Variants in POLR1D observed in about 807,000 individuals in gnomAD.
POLR1D encodes the protein RNA polymerase I and III subunit D, also known as DNA-directed RNA polymerases I and III subunit RPAC2.
POLR1D carries 8 observed loss-of-function variants against 10.8 expected under a neutral mutation model. The observed-to-expected ratio is 0.74, with a 90% CI of 0.43 to 1.33. The LOEUF is 1.33. Ranked by LOEUF, POLR1D falls within the 40% of genes most tolerant of loss-of-function variation. The pLI is 0.01. For missense variants in POLR1D, 152 were observed against 161.7 expected (o/e 0.94, Z 0.32); for synonymous variants, 54 against 57.2 (o/e 0.94, Z 0.25).
At chr13:27,636,721 G>A (rs1956127474) in intron 1 of POLR1D, among the ~76,000 whole-genome samples, 1 of 152,106 alleles carries the variant, frequency 6.6e-6, no homozygotes, top group South Asian at 2.1e-4. Flanking sequence ...TATGCTGTTT[G>A]GATAATCAGC....
chr13:27,623,489 C>T (rs1302400895), downstream of POLR1D: 1 of 768,744 alleles, frequency 1.3e-6, no homozygotes, highest in Non-Finnish European at 1.8e-6. Context: ...CCAAATGGTC[C>T]TTGAGGATGA....
chr13:27,622,139 G>T (rs556964648), intron 1 of POLR1D, 130 bp downstream of exon 1: 2 of 768,814 alleles, frequency 2.6e-6, no homozygotes, highest in Admixed American at 4.2e-5. Flanking sequence ...AGAGAGAAGT[G>T]GGGAGGAGAC....
Position 27,647,362 on chromosome 13 carries a change from A to C in POLR1D, c.27-1017A>C, listed in dbSNP as rs538854797. 1.2e-3 allele frequency among the ~76,000 whole-genome samples: 177 copies of C among 152,128 alleles called. 1 individual carries two copies. The highest frequency in any genetic ancestry group is 1.8e-3 in the Admixed American group (28 of 15,280). The stretch of plus-strand genomic sequence containing the variant: ...TAAAACTCATCTTACTGTTTTGATA[A>C]CATCCCTCCAAATTTTTTTATTATT... On this transcript the variant is annotated intron_variant, in intron 1 of 2. Coordinates refer to the POLR1D transcript ENST00000399697.
chr13:27,641,361 A>T (rs577430339), intron 1 of POLR1D, among the ~76,000 whole-genome samples: 1 of 152,354 alleles, frequency 6.6e-6, no homozygotes, highest in Non-Finnish European at 1.5e-5. Flanking sequence ...TTTGCAAGGA[A>T]TGAAATCACT....
chr13:27,633,872 C>A (rs1158499996), intron 1 of POLR1D, among the ~76,000 whole-genome samples: 1 of 152,126 alleles, frequency 6.6e-6, no homozygotes, highest in Non-Finnish European at 1.5e-5. Flanking sequence ...GTTTGTGTTG[C>A]TGTTGTTGTT....
At chr13:27,641,461 C>A (rs113107720) in intron 1 of POLR1D, among the ~76,000 whole-genome samples, 1 of 149,878 alleles carries the variant, frequency 6.7e-6, no homozygotes, top group African/African-American at 2.4e-5. Context: ...GGAATATATA[C>A]GAAATATTTC....
downstream of POLR1D, among the ~76,000 whole-genome samples, chr13:27,628,032 T>G (rs1390280668): frequency 2.6e-5 from 4 of 152,192 alleles, no homozygotes; most frequent in African/African-American, 9.7e-5. Context: ...CAAAAACCAG[T>G]AAGGCAGGAT....
chr13:27,649,135 T>G (rs1466227881), intron 2 of POLR1D, among the ~76,000 whole-genome samples: 2 of 152,216 alleles, frequency 1.3e-5, no homozygotes, highest in Non-Finnish European at 2.9e-5. Context: ...ATTTGTTGAT[T>G]CTGGAATTTA....
At chr13:27,636,309 C>T (rs1271955529) in intron 1 of POLR1D, among the ~76,000 whole-genome samples, 2 of 152,134 alleles carry the variant, frequency 1.3e-5, no homozygotes, top group African/African-American at 4.8e-5. Flanking sequence ...TAGTGTTAGG[C>T]AAGTTGTTAA....
rs187419220 is a variant in POLR1D, at chr13:27,662,559, A to G, written c.102-3127A>G. 8.5e-5 allele frequency among the ~76,000 whole-genome samples: 13 copies of G among 152,368 alleles called. No individual in the cohort carries two copies. The East Asian group carries it at 2.5e-3, about 29-fold the overall frequency. ...TTTTTAAATTTTGGAATTAGGGATA[A>G]GAAATTGTGGACCTGTAGGTAACAT... On this transcript the variant is annotated intron_variant, in intron 2 of 2. Coordinates refer to the POLR1D transcript ENST00000399697.
chr13:27,629,146 A>G (rs1026721199), intron 1 of POLR1D, among the ~76,000 whole-genome samples: 7 of 152,222 alleles, frequency 4.6e-5, no homozygotes, highest in Non-Finnish European at 8.8e-5. Flanking sequence ...CCTTAGGAAC[A>G]GAAATTGATA....
chr13:27,652,803 G>A (rs968551031), intron 2 of POLR1D, among the ~76,000 whole-genome samples: 2 of 149,130 alleles, frequency 1.3e-5, no homozygotes, highest in Non-Finnish European at 3.0e-5. Flanking sequence ...CAAGAGGGAG[G>A]TTACAGTAAG....
chr13:27,648,014 T>C (rs554226), intron 1 of POLR1D: 60,288 of 197,380 alleles, frequency 0.31, 10,917 homozygotes, highest in Admixed American at 0.43. Flanking sequence ...TTCACTGGTA[T>C]TTCTTTGAAT....
At chr13:27,659,906 G>GTGTATA (rs1555273996) in intron 2 of POLR1D, among the ~76,000 whole-genome samples, 6 of 145,110 alleles carry the variant, frequency 4.1e-5, no homozygotes, top group Non-Finnish European at 9.0e-5. Flanking sequence ...TATCTCAGGT[G>GTGTATA]TATATATATA....
At chr13:27,625,660 A>T (rs1323970), downstream of POLR1D, among the ~76,000 whole-genome samples, 2,019 of 137,196 alleles carry the variant, frequency 0.015, 13 homozygotes, top group Non-Finnish European at 0.02. Context: ...TAAATTGATT[A>T]AAAAAAAAAA....
downstream of POLR1D, among the ~76,000 whole-genome samples, chr13:27,624,473 GCCAAATTCTTT>G (rs545261036): frequency 2.9e-3 from 442 of 152,226 alleles, 1 homozygote; most frequent in African/African-American, 0.01. Flanking sequence ...CCTACACTCA[GCCAAATTCTTT>G]AAAGAGATAT....
downstream of POLR1D, among the ~76,000 whole-genome samples, chr13:27,627,335 C>T: frequency 6.7e-6 from 1 of 149,326 alleles, no homozygotes; most frequent in African/African-American, 2.5e-5. Flanking sequence ...TATTAGATCT[C>T]TAATTATTTA....
At chr13:27,621,811 C>T (rs1043769786), upstream of POLR1D, 3 of 636,304 alleles carry the variant, frequency 4.7e-6, no homozygotes, top group Non-Finnish European at 8.3e-6. Context: ...GAGCCTCATG[C>T]CCCGCCCCGC....
At chr13:27,649,429 T>C (rs1048390635) in intron 2 of POLR1D, among the ~76,000 whole-genome samples, 1 of 152,208 alleles carries the variant, frequency 6.6e-6, no homozygotes, top group Admixed American at 6.5e-5. Context: ...GGAATTTGAC[T>C]ATATTTCCAA....
Sources: allele counts gnomAD v4.1 joint callset (sites outside exome capture counted in the v4.1 genomes callset), GRCh38; gene constraint gnomAD v4.1.1; transcripts MANE v1.5; gene names NCBI Gene and HGNC (gene_info 2026-07-23, HGNC 2026-07-21).